The following TAB2 variants were observed in gnomAD, a reference collection of about 807,000 sequenced individuals.
TAB2 encodes the protein TGF-beta activated kinase 1 (MAP3K7) binding protein 2.
A neutral mutation model predicts 65.0 loss-of-function variants in TAB2; 3 were observed. The ratio of observed to expected loss-of-function variants is 0.05; its 90% CI spans 0.02 to 0.12. The LOEUF is 0.12. TAB2 is among the 10% of genes least tolerant of loss of function. The probability of loss-of-function intolerance (pLI) is 1.00; values close to 1 mark genes in which losing one functional copy is unlikely to be tolerated. For synonymous variants in TAB2, 298 were observed against 285.1 expected (o/e 1.05, Z -0.46); for missense variants, 623 against 840.3 (o/e 0.74, Z 3.20).
At chr6:149,262,512 A>G (rs2218561) in intron 1 of TAB2, among the ~76,000 whole-genome samples, 25,782 of 151,214 alleles carry the variant, frequency 0.17, 2,309 homozygotes, top group Admixed American at 0.23. Flanking sequence ...CAGCCTGGGC[A>G]ACAGAGTGAA....
intron 1 of TAB2, among the ~76,000 whole-genome samples, chr6:149,222,674 G>T (rs1313728176): frequency 6.6e-6 from 1 of 150,892 alleles, no homozygotes; most frequent in Non-Finnish European, 1.5e-5. Flanking sequence ...CATTGGTTCT[G>T]TTTCTCTGGA....
chr6:149,344,187 G>T (rs1312033460), intron 1 of TAB2, among the ~76,000 whole-genome samples: 1 of 152,202 alleles, frequency 6.6e-6, no homozygotes, highest in African/African-American at 2.4e-5. Context: ...ACTGTTAGGT[G>T]AATTGAAGTA....
chr6:149,392,687 T>C (rs1178669165), intron 3 of TAB2, among the ~76,000 whole-genome samples: 1 of 152,224 alleles, frequency 6.6e-6, no homozygotes, highest in Admixed American at 6.5e-5. Context: ...AGAAACTTGT[T>C]GACTTCTGTT....
chr6:149,380,129 A>G lies in TAB2; in HGVS notation c.1603+611A>G, dbSNP rs35983683. 2,031 of 285,194 alleles carry G rather than the reference A, an allele frequency of 7.1e-3. 19 individuals carry two copies. Among genetic ancestry groups the G allele is most frequent in the Non-Finnish European group, 0.01 (1,466 of 145,696 alleles). The allele number at this position is 285,194 out of a possible 1,614,324, so 17.7% of individuals were successfully genotyped here. On this transcript the variant is annotated intron_variant, in intron 3 of 6. Coordinates refer to ENST00000637181, the MANE Select transcript of TAB2 (RefSeq NM_001292034.3). ...GTGGCACACACCTGTAGTCCCAGTT[A>G]CTCAGTAGACTGAGGTAGGAGGATT...
intron 1 of TAB2, among the ~76,000 whole-genome samples, chr6:149,270,693 C>T (rs1778344753): frequency 6.6e-6 from 1 of 152,084 alleles, no homozygotes; most frequent in South Asian, 2.1e-4. Context: ...ATTTAGAATC[C>T]AGACCTTGCA....
At position 149,411,142 on chromosome 6, in the gene TAB2, A is replaced by G. The variant is rs1460569497; in HGVS notation, c.*1423A>G. On this transcript the variant is annotated 3_prime_UTR_variant, in exon 7 of 7. Coordinates refer to ENST00000637181, the MANE Select transcript of TAB2 (RefSeq NM_001292034.3). ...TATAACTGAAATCAAGAAAAAGAAC[A>G]GTATGCATTTAAAAAGACAGAATTA... 1 of 152,686 alleles carries G rather than the reference A, an allele frequency of 6.5e-6. No individual in the cohort carries two copies. Among genetic ancestry groups the G allele is most frequent in the Non-Finnish European group, 1.5e-5 (1 of 68,044 alleles). 9.5% of individuals were successfully genotyped at this position (152,686 alleles called of 1,614,324 possible).
At chr6:149,285,048 C>T (rs749516325) in intron 1 of TAB2, among the ~76,000 whole-genome samples, 18 of 152,306 alleles carry the variant, frequency 1.2e-4, no homozygotes, top group Admixed American at 2.0e-4. Flanking sequence ...CTGCTACATA[C>T]ACATGCTTTG....
At chr6:149,362,219 C>T (rs1277826289) in intron 1 of TAB2, among the ~76,000 whole-genome samples, 1 of 152,216 alleles carries the variant, frequency 6.6e-6, no homozygotes, top group Non-Finnish European at 1.5e-5. Context: ...GCTGTAAAGA[C>T]ATACCCAAGA....
chr6:149,317,473 C>A (rs1379404836), upstream of TAB2: 5 of 166,818 alleles, frequency 3.0e-5, no homozygotes, highest in Non-Finnish European at 5.1e-5. The surrounding 1 kb of genome is among the most constrained non-coding windows in gnomAD (Gnocchi z 4.7). Flanking sequence ...GGGGAGGCCT[C>A]GTCACAGCCG....
At chr6:149,360,010 G>A (rs2114830818) in intron 1 of TAB2, among the ~76,000 whole-genome samples, 1 of 152,236 alleles carries the variant, frequency 6.6e-6, no homozygotes, top group Middle Eastern at 3.4e-3. Flanking sequence ...ACATTAATAA[G>A]TTTAGTTTAA....
In TAB2 at chr6:149,378,517, C is replaced by A; in HGVS notation, c.602C>A (p.Pro201His). ...ACATCTTTGCACATACATGGTGTAC[C>A]TCCACCTGTACTTAACAGTCCACAG... Reference protein sequence around the residue: ...TPTSLHIHGVPPPVLNSPQGN... With the variant: ...TPTSLHIHGVHPPVLNSPQGN... Residue 201 changes from proline to histidine, a missense_variant, in exon 3 of 7, where the codon CCT becomes CAT. By Grantham distance (77) the Pro-to-His change is moderately conservative (BLOSUM62 -2). Around this residue, in one of 3 missense-constraint regions of TAB2, gnomAD observed 550 missense variants for 665.7 expected, o/e 0.83. Transcript: ENST00000637181. 1 of 1,614,168 alleles carries A rather than the reference C, an allele frequency of 6.2e-7. No individual in the cohort carries two copies. Among genetic ancestry groups the A allele is most frequent in the Non-Finnish European group, 8.5e-7 (1 of 1,180,046 alleles).
intron 2 of TAB2, among the ~76,000 whole-genome samples, chr6:149,377,364 C>A (rs930889217): frequency 3.3e-5 from 5 of 151,444 alleles, no homozygotes; most frequent in South Asian, 2.1e-4. Context: ...GGTTTTTTTC[C>A]CCCCCGCCAC....
At chr6:149,299,827 A>G (rs1221186821) in intron 1 of TAB2, among the ~76,000 whole-genome samples, 1 of 149,154 alleles carries the variant, frequency 6.7e-6, no homozygotes, top group East Asian at 2.0e-4. Flanking sequence ...TGGGCAACAT[A>G]GCACAGTTCT....
At chr6:149,348,720 T>G (rs1251494651) in intron 1 of TAB2, among the ~76,000 whole-genome samples, 1 of 151,576 alleles carries the variant, frequency 6.6e-6, no homozygotes, top group African/African-American at 2.4e-5. Context: ...TACCAGCACT[T>G]TGGAAGGACG....
Position 149,400,315 on chromosome 6 carries a change from G to A in TAB2, c.1939+1131G>A, listed in dbSNP as rs1782330603. On this transcript the variant is annotated intron_variant, in intron 6 of 6. Coordinates refer to ENST00000637181, the MANE Select transcript of TAB2 (RefSeq NM_001292034.3). ...GCTGTCACCTCCTGCTGCTCTTCCT[G>A]CTGCTCGTGTACTCGTTAGGTGCGG... is the stretch of plus-strand genomic sequence containing the variant. 2.7e-6 allele frequency: 4 copies of A among 1,503,016 alleles called. No homozygotes were observed. In the African/African-American group the frequency reaches 5.5e-5, roughly 21 times the overall value. The allele number at this position is 1,503,016 out of a possible 1,614,324, so 93.1% of individuals were successfully genotyped here.
chr6:149,262,525 T>A (rs1453003255), intron 1 of TAB2, among the ~76,000 whole-genome samples: 2 of 145,700 alleles, frequency 1.4e-5, no homozygotes, highest in African/African-American at 5.3e-5. Flanking sequence ...AGAGTGAAAC[T>A]CGGTCTAAAA....
chr6:149,327,255 A>C (rs1779647916), intron 1 of TAB2, among the ~76,000 whole-genome samples: 1 of 152,114 alleles, frequency 6.6e-6, no homozygotes, highest in South Asian at 2.1e-4. Context: ...GTTTTTTAAA[A>C]ATTTAAGACA....
Position 149,409,643 on chromosome 6 carries a change from A to C in TAB2, c.2006A>C (p.Asn669Thr), listed in dbSNP as rs773658843. The C allele has an allele frequency of 6.2e-7, 1 of 1,614,038 alleles. No individual in the cohort carries two copies. Among genetic ancestry groups the C allele is most frequent in the Admixed American group, 1.7e-5 (1 of 60,008 alleles). The change falls in exon 7 of 7, where the codon AAT (asparagine) becomes ACT (threonine). Residue 669 changes from asparagine (N) to threonine (T), a missense_variant. Coordinates refer to ENST00000637181, the MANE Select transcript of TAB2 (RefSeq NM_001292034.3). ...DTEDDEGAQWNCTACTFLNHP... is the reference protein window; with the variant it reads ...DTEDDEGAQWTCTACTFLNHP... ...GAAGATGATGAGGGAGCTCAGTGGA[A>C]TTGTACCGCCTGTACTTTTTTGAAC...
intron 1 of TAB2, among the ~76,000 whole-genome samples, chr6:149,368,015 T>C (rs1781095106): frequency 6.6e-6 from 1 of 152,152 alleles, no homozygotes; most frequent in Admixed American, 6.5e-5. Flanking sequence ...TATATAGATA[T>C]TATTTAAAGC....
Sources: allele counts gnomAD v4.1 joint callset (sites outside exome capture counted in the v4.1 genomes callset), GRCh38; gene constraint gnomAD v4.1.1; regional missense constraint gnomAD v4.1.1; non-coding constraint Gnocchi (gnomAD v3.1); transcripts MANE v1.5; gene names NCBI Gene and HGNC (gene_info 2026-07-23, HGNC 2026-07-21).